CGNL1: variants seen among roughly 807,000 people sequenced by gnomAD.
The protein encoded by CGNL1 is cingulin like 1.
CGNL1 carries 132 observed loss-of-function variants against 141.2 expected under a neutral mutation model. The observed-to-expected ratio is 0.93, with a 90% CI of 0.81 to 1.08. The LOEUF (loss-of-function observed/expected upper bound fraction) is 1.08. CGNL1 is among the 50% of genes least tolerant of loss of function. The probability of loss-of-function intolerance (pLI) is 0.00; values close to 1 mark genes in which losing one functional copy is unlikely to be tolerated. For synonymous variants in CGNL1, 690 were observed against 622.1 expected, an observed-to-expected ratio of 1.11 and a Z score of -1.63; for missense variants, 1,870 against 1,588.6, an observed-to-expected ratio of 1.18 and a Z score of -3.01.
Position 57,518,407 on chromosome 15 carries a change from G to A in CGNL1, c.2625G>A (p.Gln875=), listed in dbSNP as rs753923302. 9 of 1,612,982 alleles carry A rather than the reference G, an allele frequency of 5.6e-6. No homozygotes were observed. The Admixed American group carries it at 6.7e-5, about 12-fold the overall frequency. ...TLKKYEGEIR[Q]LEEALVHARK... ...TTTCATTGTAGGGAGAAATACGACA[G>A]TTAGAGGAGGCCCTTGTGCACGCCA... Residue 875 remains glutamine, a synonymous_variant, in exon 10 of 19, where the codon CAG becomes CAA. Transcript: ENST00000281282.
At chr15:57,479,816 G>C (rs12594504) in intron 8 of CGNL1, among the ~76,000 whole-genome samples, 2 of 152,076 alleles carry the variant, frequency 1.3e-5, no homozygotes, top group Non-Finnish European at 2.9e-5. Flanking sequence ...CAAAGGGATA[G>C]TGAGAAGATG....
intron 1 of CGNL1, among the ~76,000 whole-genome samples, chr15:57,415,004 C>T (rs1167698526): frequency 6.6e-6 from 1 of 152,160 alleles, no homozygotes; most frequent in African/African-American, 2.4e-5. Context: ...GAAGAATCTT[C>T]TGGGGCATTT....
chr15:57,440,557 C>T (rs1390908023), intron 3 of CGNL1, 86 bp downstream of exon 3: 4 of 1,016,510 alleles, frequency 3.9e-6, no homozygotes, highest in African/African-American at 3.2e-5. Flanking sequence ...TAATGGTTAC[C>T]TTCCTTTCTT....
At chr15:57,527,714 A>T (rs144709395) in intron 12 of CGNL1, 1 of 152,346 alleles carries the variant, frequency 6.6e-6, no homozygotes, top group East Asian at 1.9e-4. Context: ...AAACAACAAC[A>T]TTATAAATTA....
At position 57,439,439 on chromosome 15, in the gene CGNL1, A is replaced by G. The variant is rs570101289; in HGVS notation, c.1440A>G (p.Thr480=). Residue 480 remains threonine (T), a synonymous_variant, in exon 2 of 19, where the codon ACA becomes ACG. Transcript: ENST00000281282. The stretch of plus-strand genomic sequence containing the variant: ...AAACCGAAGGTAGTCAGGAAAGTAC[A>G]GTGATCCGTGCGCCCTCCCTTGGTG... ...VLETEGSQES[T]VIRAPSLGAQ... is the part of the protein sequence containing the mutation. 6 of 1,614,076 alleles carry G rather than the reference A, an allele frequency of 3.7e-6. No individual in the cohort carries two copies. Among genetic ancestry groups the G allele is most frequent in the Non-Finnish European group, 4.2e-6 (5 of 1,180,032 alleles).
chr15:57,422,595 C>T (rs1377595784), intron 1 of CGNL1, among the ~76,000 whole-genome samples: 1 of 152,114 alleles, frequency 6.6e-6, no homozygotes, highest in Non-Finnish European at 1.5e-5. Flanking sequence ...TAGTTCGGAG[C>T]AGGTTAATGT....
At chr15:57,422,342 C>G (rs2062925411) in intron 1 of CGNL1, among the ~76,000 whole-genome samples, 1 of 152,034 alleles carries the variant, frequency 6.6e-6, no homozygotes, top group Non-Finnish European at 1.5e-5. Flanking sequence ...GGGCTTCACC[C>G]CATGATTTCT....
At chr15:57,518,536 G>A in intron 10 of CGNL1, 39 bp downstream of exon 10, 1 of 1,376,396 alleles carries the variant, frequency 7.3e-7, no homozygotes, top group Non-Finnish European at 1.0e-6. Flanking sequence ...CCCTCAAGAA[G>A]AATGCATAGA....
At chr15:57,458,796 T>C (rs545883777) in intron 7 of CGNL1, among the ~76,000 whole-genome samples, 1 of 152,254 alleles carries the variant, frequency 6.6e-6, no homozygotes, top group South Asian at 2.1e-4. Context: ...GAGGACAGGG[T>C]ATAATTTCAT....
intron 1 of CGNL1, chr15:57,394,099 C>CTTTTTTTTTTTTTTTTTTTTTTT (rs1555429893): frequency 2.9e-5 from 1 of 34,162 alleles, no homozygotes; most frequent in Non-Finnish European, 6.0e-5. Context: ...AGGGTAATTT[C>CTTTTTTTTTTTTTTTTTTTTTTT]TGTTTGTTTT....
At chr15:57,515,564 T>C (rs2030705469) in intron 8 of CGNL1, among the ~76,000 whole-genome samples, 1 of 152,174 alleles carries the variant, frequency 6.6e-6, no homozygotes, top group Non-Finnish European at 1.5e-5. Flanking sequence ...GATATTGGCA[T>C]CTTTGTAGTA....
At chr15:57,409,074 T>C (rs113649346) in intron 1 of CGNL1, among the ~76,000 whole-genome samples, 1,067 of 45,368 alleles carry the variant, frequency 0.024, 14 homozygotes, top group African/African-American at 0.065. Flanking sequence ...CACACACACA[T>C]TGCCTTTTGA....
intron 8 of CGNL1, among the ~76,000 whole-genome samples, chr15:57,489,085 A>G (rs548753459): frequency 5.5e-4 from 84 of 152,356 alleles, no homozygotes; most frequent in South Asian, 2.1e-3. Flanking sequence ...ATTGATGAAA[A>G]GTGTAAGTTT....
At chr15:57,442,531 A>G in intron 4 of CGNL1, 53 bp downstream of exon 4, 1 of 1,123,782 alleles carries the variant, frequency 8.9e-7, no homozygotes, top group Non-Finnish European at 1.4e-6. Context: ...AATGTGGTAA[A>G]CAACTTGCTG....
At chr15:57,456,961 C>T (rs934094421) in intron 7 of CGNL1, among the ~76,000 whole-genome samples, 19 of 152,142 alleles carry the variant, frequency 1.2e-4, no homozygotes, top group African/African-American at 4.6e-4. Flanking sequence ...GTCTCTAAAA[C>T]TTCTTTTGTA....
rs1034543762 is a variant in CGNL1, at chr15:57,544,655, C to T, written c.3500+58C>T. 39 of 1,541,746 alleles carry T rather than the reference C, an allele frequency of 2.5e-5. No homozygotes were observed. In the South Asian group the frequency reaches 3.8e-4, roughly 15 times the overall value. On this transcript the variant is annotated intron_variant, in intron 16 of 18. Coordinates refer to ENST00000281282, the MANE Select transcript of CGNL1 (RefSeq NM_032866.5). The stretch of plus-strand genomic sequence containing the variant: ...CCCCAGTGGGCAGTGACAGTCCCAT[C>T]GCAATGTGTTGTCACATTTGGGATC...
chr15:57,438,375 A>C lies in CGNL1; in HGVS notation c.376A>C (p.Lys126Gln), dbSNP rs753930634. The part of the protein sequence containing the change: ...NLKQPLLHEG[K>Q]NGVLDRKDGS... ...GAAACAGCCCCTGCTCCATGAGGGC[A>C]AGAATGGAGTTCTAGATCGCAAAGA... The change falls in exon 2 of 19, where the codon AAG becomes CAG. Residue 126 changes from lysine to glutamine, a missense_variant. By Grantham distance (53) the Lys-to-Gln change is moderately conservative. Transcript: ENST00000281282. The C allele has an allele frequency of 6.2e-7, 1 of 1,614,216 alleles. No individual in the cohort carries two copies. The highest frequency in any genetic ancestry group is 8.5e-7 in the Non-Finnish European group (1 of 1,180,040).
chr15:57,524,223 T>C (rs1185401100), intron 11 of CGNL1, among the ~76,000 whole-genome samples: 1 of 152,256 alleles, frequency 6.6e-6, no homozygotes, highest in Non-Finnish European at 1.5e-5. Flanking sequence ...TATCTGTGGA[T>C]ACTAATTCTG....
In CGNL1 at chr15:57,506,700, C is replaced by T. The variant is rs142999174; in HGVS notation, c.2404-10080C>T. The stretch of plus-strand genomic sequence containing the variant: ...GGTCACAAGCAAGGAGTCAGAGAAC[C>T]GGGTTCAAGTCCTGGGTGTGTGACT... On this transcript the variant is annotated intron_variant, in intron 8 of 18. Transcript: ENST00000281282. 8.2e-3 allele frequency among the ~76,000 whole-genome samples: 1,241 copies of T among 152,230 alleles called. 12 individuals carry two copies. Among genetic ancestry groups the T allele is most frequent in the Non-Finnish European group, 0.012 (831 of 68,010 alleles).
Sources: gnomAD v4.1 joint callset for allele counts (sites outside exome capture counted in the v4.1 genomes callset) on GRCh38, gnomAD v4.1.1 for gene constraint, MANE v1.5 for transcripts, NCBI Gene and HGNC (gene_info 2026-07-23, HGNC 2026-07-21) for gene names.